Variants in COL26A1 observed in about 807,000 individuals in gnomAD.
COL26A1 encodes collagen alpha-1(XXVI) chain.
In COL26A1, 41 loss-of-function variants were observed where a neutral mutation model predicts 59.3. That is an observed-to-expected ratio of 0.69 (90% CI 0.54 to 0.90). The LOEUF (loss-of-function observed/expected upper bound fraction) is 0.90. Among genes scored for constraint, COL26A1 ranks in the 40% least tolerant of loss-of-function variants. COL26A1 has a pLI of 0.00. For synonymous variants in COL26A1, 266 were observed against 256.0 expected, an observed-to-expected ratio of 1.04 and a Z score of -0.37; for missense variants, 612 against 602.3, an observed-to-expected ratio of 1.02 and a Z score of -0.17.
intron 3 of COL26A1, among the ~76,000 whole-genome samples, chr7:101,502,436 G>A (rs1794725098): frequency 6.6e-6 from 1 of 152,188 alleles, no homozygotes; most frequent in Non-Finnish European, 1.5e-5. Context: ...AAGCCTTTGA[G>A]GTCATTTGGC....
At chr7:101,473,642 AC>A (rs1793960781) in intron 3 of COL26A1, among the ~76,000 whole-genome samples, 2 of 146,714 alleles carry the variant, frequency 1.4e-5, no homozygotes, top group African/African-American at 2.5e-5. Context: ...ACACACACAC[AC>A]ACACACACAC....
At chr7:101,385,814 C>T (rs1791560774) in intron 1 of COL26A1, among the ~76,000 whole-genome samples, 1 of 152,096 alleles carries the variant, frequency 6.6e-6, no homozygotes, top group Non-Finnish European at 1.5e-5. Context: ...ACGCCATTCT[C>T]CTGCCTCAGC....
At chr7:101,488,998 G>A (rs1192310359) in intron 3 of COL26A1, among the ~76,000 whole-genome samples, 1 of 152,146 alleles carries the variant, frequency 6.6e-6, no homozygotes, top group African/African-American at 2.4e-5. Context: ...CCTGTTTTGC[G>A]TCTATTTGTA....
At chr7:101,406,355 C>A (rs1203658862) in intron 1 of COL26A1, among the ~76,000 whole-genome samples, 2 of 152,136 alleles carry the variant, frequency 1.3e-5, no homozygotes, top group Non-Finnish European at 2.9e-5. Context: ...ATACACTCGG[C>A]TATTCCTATG....
At chr7:101,523,073 T>C (rs1470561123) in intron 3 of COL26A1, among the ~76,000 whole-genome samples, 1 of 147,110 alleles carries the variant, frequency 6.8e-6, no homozygotes, top group Non-Finnish European at 1.5e-5. Context: ...AAGAAATTCT[T>C]TTTTTTTTTT....
At chr7:101,544,787 C>T (rs368059405) in intron 6 of COL26A1, among the ~76,000 whole-genome samples, 1 of 152,196 alleles carries the variant, frequency 6.6e-6, no homozygotes, top group East Asian at 1.9e-4. Flanking sequence ...CCTGCCTTGG[C>T]CTCCCAAAGT....
In COL26A1 at chr7:101,463,871, TTC is replaced by T. The variant is rs1357956736; in HGVS notation, c.385+16086_385+16087del. 4.5e-5 allele frequency among the ~76,000 whole-genome samples: 4 copies of T among 89,244 alleles called. No individual in the cohort carries two copies. In the East Asian group the frequency reaches 6.7e-4, roughly 15 times the overall value. The allele number at this position is 89,244 out of a possible 152,430, so 58.5% of individuals were successfully genotyped here. On this transcript the variant is annotated intron_variant, in intron 3 of 12. Transcript: ENST00000313669. Reference sequence around the variant, plus strand: ...CTCCCTCTTTTTTCTCTTTTTTCTTTTCTTTCTTTCTTTCTTTCTTTCTTTCT... The same window carrying T: ...CTCCCTCTTTTTTCTCTTTTTTCTTTTTTCTTTCTTTCTTTCTTTCTTTCT...
intron 2 of COL26A1, among the ~76,000 whole-genome samples, chr7:101,427,782 G>A (rs949757657): frequency 1.3e-5 from 2 of 152,136 alleles, no homozygotes; most frequent in Non-Finnish European, 2.9e-5. Flanking sequence ...GATTACAGGT[G>A]CGAGCCATTG....
chr7:101,372,416 C>T (rs1303050198), intron 1 of COL26A1, among the ~76,000 whole-genome samples: 2 of 151,798 alleles, frequency 1.3e-5, no homozygotes, highest in African/African-American at 4.8e-5. Context: ...TCTGCCTTGG[C>T]CTCCCAAAGT....
chr7:101,437,442 T>C (rs924156495), intron 2 of COL26A1, among the ~76,000 whole-genome samples: 1 of 141,496 alleles, frequency 7.1e-6, no homozygotes, highest in Non-Finnish European at 1.5e-5. Context: ...GGTGGAATTC[T>C]GAATCGGGCG....
At chr7:101,441,035 G>A (rs1793046410) in intron 2 of COL26A1, among the ~76,000 whole-genome samples, 1 of 152,000 alleles carries the variant, frequency 6.6e-6, no homozygotes. Flanking sequence ...CCAGAGGGAT[G>A]AGCTCAGTTT....
intron 2 of COL26A1, among the ~76,000 whole-genome samples, chr7:101,439,208 C>T (rs1792987652): frequency 6.6e-6 from 1 of 151,844 alleles, no homozygotes; most frequent in South Asian, 2.1e-4. Context: ...GCCAACAGAC[C>T]CAGGAGAGCC....
rs1234556942 is a variant in COL26A1, at chr7:101,547,239, G to A, written c.940G>A (p.Gly314Ser). 6.4e-7 allele frequency: 1 copy of A among 1,572,352 alleles called. No individual in the cohort carries two copies. Reference sequence around the variant, plus strand: ...ACCCCGGGGTCCCCCTGGTCCACCAGGTAAGTGAATGGTGGGCTGGCCTGC... The same window carrying A: ...ACCCCGGGGTCCCCCTGGTCCACCAAGTAAGTGAATGGTGGGCTGGCCTGC... Reference protein sequence around the residue: ...PGPRGPPGPPGPPGPRGPPGP... With the variant: ...PGPRGPPGPPSPPGPRGPPGP... Residue 314 changes from glycine to serine, a missense_variant and splice_region_variant, in exon 8 of 13, where the codon GGT (glycine) becomes AGT (serine). Gly to Ser is a moderately conservative substitution (Grantham distance 56). Transcript: ENST00000313669.
intron 3 of COL26A1, among the ~76,000 whole-genome samples, chr7:101,462,598 T>C (rs1381557577): frequency 6.6e-6 from 1 of 152,194 alleles, no homozygotes; most frequent in African/African-American, 2.4e-5. Flanking sequence ...ATTACAGGCG[T>C]GAGCCACCGT....
At chr7:101,364,102 C>T (rs1205863887) in intron 1 of COL26A1, among the ~76,000 whole-genome samples, 4 of 152,116 alleles carry the variant, frequency 2.6e-5, no homozygotes, top group African/African-American at 9.7e-5. Flanking sequence ...TCCTTCCTCT[C>T]GGCCGGCAGG....
At chr7:101,470,371 G>A (rs1412200647) in intron 3 of COL26A1, among the ~76,000 whole-genome samples, 4 of 151,996 alleles carry the variant, frequency 2.6e-5, no homozygotes, top group African/African-American at 9.7e-5. Context: ...TGGGATTACA[G>A]GCATGAGCCA....
intron 3 of COL26A1, among the ~76,000 whole-genome samples, chr7:101,463,771 T>TTCTTTCTTTCTTTCTCTC (rs142635850): frequency 0.41 from 33,198 of 81,010 alleles, 7,476 homozygotes; most frequent in African/African-American, 0.48. Context: ...TTTTCCTTCC[T>TTCTTTCTTTCTTTCTCTC]TCTTTCTTTC....
chr7:101,526,721 T>C (rs545227858), intron 3 of COL26A1, among the ~76,000 whole-genome samples: 8 of 152,292 alleles, frequency 5.3e-5, no homozygotes, highest in African/African-American at 1.9e-4. Context: ...TGACAACTGT[T>C]GTCCTGCTGT....
chr7:101,503,661 C>T (rs747020435), intron 3 of COL26A1, among the ~76,000 whole-genome samples: 7 of 152,192 alleles, frequency 4.6e-5, no homozygotes, highest in Non-Finnish European at 1.0e-4. Flanking sequence ...GGATTACAGG[C>T]GTGAGCCACT....
Sources: allele counts gnomAD v4.1 joint callset (sites outside exome capture counted in the v4.1 genomes callset), GRCh38; gene constraint gnomAD v4.1.1; transcripts MANE v1.5; gene names NCBI Gene and HGNC (gene_info 2026-07-23, HGNC 2026-07-21).